Variants in NRXN3 observed in about 807,000 individuals in gnomAD.
NRXN3 encodes the protein neurexin III.
NRXN3 carries 32 observed loss-of-function variants against 137.6 expected under a neutral mutation model. That is an observed-to-expected ratio of 0.23 (90% CI 0.18 to 0.31). The LOEUF is 0.31. Ranked by LOEUF, NRXN3 falls within the 10% of genes least tolerant of loss-of-function variation. The probability of loss-of-function intolerance (pLI) is 1.00; values close to 1 mark genes in which losing one functional copy is unlikely to be tolerated. For missense variants in NRXN3, 1,574 were observed against 2,062.5 expected (o/e 0.76, Z 4.59); for synonymous variants, 798 against 784.5 (o/e 1.02, Z -0.29).
At chr14:78,769,333 C>T (rs1032047532) in intron 8 of NRXN3, among the ~76,000 whole-genome samples, 2 of 152,202 alleles carry the variant, frequency 1.3e-5, no homozygotes, top group African/African-American at 4.8e-5. Flanking sequence ...GGCCAACCCT[C>T]ATCCAGTATG....
intron 4 of NRXN3, among the ~76,000 whole-genome samples, chr14:78,395,070 C>A (rs911969664): frequency 6.6e-6 from 1 of 151,416 alleles, no homozygotes; most frequent in African/African-American, 2.4e-5. Flanking sequence ...TTAGTTGTTG[C>A]TTTTGTCTTT....
At chr14:79,065,869 C>T (rs750522204) in intron 15 of NRXN3, among the ~76,000 whole-genome samples, 5 of 152,034 alleles carry the variant, frequency 3.3e-5, no homozygotes, top group East Asian at 1.9e-4. Context: ...CCTAGGTAAA[C>T]GTGTGCCATG....
At chr14:79,101,067 T>G (rs1000747771) in intron 15 of NRXN3, among the ~76,000 whole-genome samples, 1 of 152,220 alleles carries the variant, frequency 6.6e-6, no homozygotes, top group Non-Finnish European at 1.5e-5. Flanking sequence ...CTTAACACTT[T>G]GGCAGAATGT....
intron 15 of NRXN3, among the ~76,000 whole-genome samples, chr14:79,127,119 G>T (rs1268432855): frequency 6.6e-6 from 1 of 152,022 alleles, no homozygotes; most frequent in Non-Finnish European, 1.5e-5. Context: ...CTCCCATTTT[G>T]TGGGTTGCCC....
At chr14:78,829,656 T>A (rs1343444480) in intron 10 of NRXN3, among the ~76,000 whole-genome samples, 1 of 152,172 alleles carries the variant, frequency 6.6e-6, no homozygotes, top group Non-Finnish European at 1.5e-5. Context: ...AGAAAAATAT[T>A]GCATCTAGTC....
At chr14:79,137,930 C>T (rs2058409335) in intron 15 of NRXN3, among the ~76,000 whole-genome samples, 1 of 152,038 alleles carries the variant, frequency 6.6e-6, no homozygotes, top group South Asian at 2.1e-4. Flanking sequence ...GTTTCATTGT[C>T]ATTGGAGAAG....
At chr14:78,296,307 TCTC>T (rs1200632141) in intron 3 of NRXN3, among the ~76,000 whole-genome samples, 1 of 152,094 alleles carries the variant, frequency 6.6e-6, no homozygotes, top group Non-Finnish European at 1.5e-5. Context: ...CTCAAGCTAT[TCTC>T]CTGCTTTGGT....
chr14:78,687,149 T>C (rs1290872982), intron 6 of NRXN3, among the ~76,000 whole-genome samples: 1 of 152,070 alleles, frequency 6.6e-6, no homozygotes, highest in African/African-American at 2.4e-5. Flanking sequence ...TCAAGGGACA[T>C]GAAAAAGAAC....
At chr14:78,340,404 C>A (rs2082015868) in intron 4 of NRXN3, among the ~76,000 whole-genome samples, 1 of 152,180 alleles carries the variant, frequency 6.6e-6, no homozygotes, top group Non-Finnish European at 1.5e-5. Flanking sequence ...TGCTGCATAA[C>A]AGATGGCTTA....
chr14:78,591,741 C>T (rs2097119045), intron 4 of NRXN3, among the ~76,000 whole-genome samples: 1 of 152,076 alleles, frequency 6.6e-6, no homozygotes, highest in Non-Finnish European at 1.5e-5. Flanking sequence ...CAGCTTCTAC[C>T]CAGTGCCTAT....
intron 8 of NRXN3, among the ~76,000 whole-genome samples, chr14:78,792,499 A>G (rs918179148): frequency 6.6e-6 from 1 of 152,088 alleles, no homozygotes; most frequent in Non-Finnish European, 1.5e-5. Context: ...GAAAGAGAAA[A>G]CCTAAGTACT....
chr14:78,763,724 A>T (rs1050281450), intron 8 of NRXN3, among the ~76,000 whole-genome samples: 1 of 152,180 alleles, frequency 6.6e-6, no homozygotes, highest in African/African-American at 2.4e-5. Context: ...TTAAAGCAGC[A>T]TGCACCTAGA....
chr14:78,336,606 A>G (rs1476949271), intron 4 of NRXN3, among the ~76,000 whole-genome samples: 1 of 152,114 alleles, frequency 6.6e-6, no homozygotes, highest in East Asian at 1.9e-4. Flanking sequence ...CACAGGTCTT[A>G]AGTGGACATC....
rs191490171 is a variant in NRXN3 at position 79,487,337 on chromosome 14, G to T, written c.3444+19935G>T. ...GCATTTCATTTTGTAACATGTTCTT[G>T]TGCTACATGTTTCACCATGTGCTAC... On this transcript the variant is annotated intron_variant, in intron 16 of 20. Coordinates refer to ENST00000335750, the MANE Select transcript of NRXN3 (RefSeq NM_001330195.2). Among the ~76,000 whole-genome samples, 512 of 151,218 alleles carry T rather than the reference G, an allele frequency of 3.4e-3. 1 individual carries two copies. Among genetic ancestry groups the T allele is most frequent in the African/African-American group, 0.012 (486 of 41,422 alleles).
intron 16 of NRXN3, among the ~76,000 whole-genome samples, chr14:79,481,626 G>A (rs1172575151): frequency 6.6e-6 from 1 of 152,226 alleles, no homozygotes; most frequent in Admixed American, 6.5e-5. Context: ...TAACAACCCA[G>A]TGGGTTCTGT....
intron 4 of NRXN3, among the ~76,000 whole-genome samples, chr14:78,366,159 A>G (rs1192320154): frequency 1.3e-5 from 2 of 152,228 alleles, no homozygotes; most frequent in Non-Finnish European, 2.9e-5. Context: ...TAAAGTACTT[A>G]GTACAGTACC....
intron 4 of NRXN3, among the ~76,000 whole-genome samples, chr14:78,348,797 A>G (rs1184611222): frequency 1.3e-5 from 2 of 152,170 alleles, no homozygotes; most frequent in South Asian, 2.1e-4. Context: ...TAGCACCACG[A>G]CTTTAGGGGT....
intron 15 of NRXN3, among the ~76,000 whole-genome samples, chr14:79,365,745 G>GAAAAAAAAAA (rs943211669): frequency 8.8e-6 from 1 of 114,152 alleles, no homozygotes; most frequent in African/African-American, 3.2e-5. Context: ...AAAAAAAAAA[G>GAAAAAAAAAA]AAAAAAAAGA....
chr14:79,273,756 T>C (rs1278594164), intron 15 of NRXN3, among the ~76,000 whole-genome samples: 1 of 152,032 alleles, frequency 6.6e-6, no homozygotes, highest in African/African-American at 2.4e-5. Flanking sequence ...ATTAGATAGA[T>C]GGTATGATTA....
Sources: gnomAD v4.1 joint callset for allele counts (sites outside exome capture counted in the v4.1 genomes callset) on GRCh38, gnomAD v4.1.1 for gene constraint, MANE v1.5 for transcripts, NCBI Gene and HGNC (gene_info 2026-07-23, HGNC 2026-07-21) for gene names.